NINL: variants seen among roughly 807,000 people sequenced by gnomAD.
NINL encodes ninein-like protein.
NINL carries 153 observed loss-of-function variants against 160.3 expected under a neutral mutation model. The ratio of observed to expected loss-of-function variants is 0.95; its 90% CI spans 0.84 to 1.09. The LOEUF is 1.09. NINL is among the 50% of genes least tolerant of loss of function. The pLI, the probability that NINL is intolerant of heterozygous loss-of-function variation, is 0.00. For synonymous variants in NINL, 800 were observed against 734.8 expected (o/e 1.09, Z -1.43); for missense variants, 1,829 against 1,764.0 (o/e 1.04, Z -0.66).
intron 1 of NINL, among the ~76,000 whole-genome samples, chr20:25,569,033 ACCAG>A (rs988493671): frequency 6.6e-6 from 1 of 151,722 alleles, no homozygotes; most frequent in African/African-American, 2.4e-5. Flanking sequence ...AGTTTCTGAG[ACCAG>A]CCTGGCCAAC....
chr20:25,513,609 CA>C (rs1303436050), intron 3 of NINL, among the ~76,000 whole-genome samples: 1 of 152,234 alleles, frequency 6.6e-6, no homozygotes, highest in Admixed American at 6.5e-5. Context: ...TGTCCCCACC[CA>C]AATCTCATGT....
At chr20:25,519,046 G>A (rs577840226) in intron 2 of NINL, among the ~76,000 whole-genome samples, 25 of 145,044 alleles carry the variant, frequency 1.7e-4, no homozygotes, top group African/African-American at 6.4e-4. Flanking sequence ...GCAGTGAGCC[G>A]AGATAGCGCC....
chr20:25,515,095 T>C (rs1025765145), intron 3 of NINL, among the ~76,000 whole-genome samples: 1 of 152,096 alleles, frequency 6.6e-6, no homozygotes, highest in African/African-American at 2.4e-5. Context: ...GAATGGTAGA[T>C]CCACTGATAG....
intron 5 of NINL, among the ~76,000 whole-genome samples, chr20:25,508,920 C>T (rs1042419888): frequency 6.6e-6 from 1 of 152,226 alleles, no homozygotes; most frequent in Non-Finnish European, 1.5e-5. Flanking sequence ...ATGACACCCC[C>T]CTGTTCTAAC....
intron 1 of NINL, among the ~76,000 whole-genome samples, chr20:25,547,612 T>G (rs1447601825): frequency 6.6e-6 from 1 of 152,206 alleles, no homozygotes; most frequent in Non-Finnish European, 1.5e-5. Context: ...ATTGGAGAAT[T>G]ACGTGGTGTG....
At chr20:25,572,110 A>G (rs2065060893) in intron 1 of NINL, among the ~76,000 whole-genome samples, 1 of 152,164 alleles carries the variant, frequency 6.6e-6, no homozygotes, top group Non-Finnish European at 1.5e-5. Context: ...ACATGAGGAC[A>G]GACCCTGCAG....
chr20:25,509,789 T>C (rs1309963472), intron 5 of NINL: 6 of 440,368 alleles, frequency 1.4e-5, no homozygotes, highest in Non-Finnish European at 2.7e-5. Context: ...TCCAAAATAC[T>C]CTAGGATTCA....
chr20:25,478,319 C>T (rs1289712791), intron 16 of NINL, among the ~76,000 whole-genome samples: 5 of 152,172 alleles, frequency 3.3e-5, no homozygotes, highest in Admixed American at 1.3e-4. Context: ...TCTTCTAAGC[C>T]GGGGCCAATG....
intron 1 of NINL, among the ~76,000 whole-genome samples, chr20:25,565,625 T>C (rs1367546536): frequency 6.6e-6 from 1 of 152,160 alleles, no homozygotes; most frequent in Non-Finnish European, 1.5e-5. Flanking sequence ...TCACTTGTAA[T>C]GGTTAATTTT....
intron 1 of NINL, among the ~76,000 whole-genome samples, chr20:25,550,434 T>C (rs1164469289): frequency 2.0e-5 from 3 of 151,940 alleles, no homozygotes; most frequent in South Asian, 2.1e-4. Context: ...AGACAAAGTA[T>C]AGATGAGGAA....
intron 1 of NINL, among the ~76,000 whole-genome samples, chr20:25,559,920 A>G (rs959410695): frequency 1.3e-5 from 2 of 150,760 alleles, no homozygotes; most frequent in Non-Finnish European, 3.0e-5. Context: ...CATGATGCCT[A>G]CGGTTTACAT....
intron 19 of NINL, among the ~76,000 whole-genome samples, chr20:25,464,802 G>A (rs1312421959): frequency 6.6e-6 from 1 of 152,180 alleles, no homozygotes. Flanking sequence ...TGTCTCCTCA[G>A]CTTCTGTGTC....
chr20:25,499,351 G>T, intron 8 of NINL: 1 of 543,112 alleles, frequency 1.8e-6, no homozygotes, highest in Non-Finnish European at 2.3e-6. Flanking sequence ...AATCTATCAT[G>T]AAGCGAGGGA....
chr20:25,577,055 T>C (rs528308689), intron 1 of NINL, among the ~76,000 whole-genome samples: 26 of 152,284 alleles, frequency 1.7e-4, no homozygotes, highest in African/African-American at 4.8e-4. Flanking sequence ...AGGCCATTAA[T>C]GTAGATTGTG....
chr20:25,482,852 CA>C (rs2063422034), intron 13 of NINL, among the ~76,000 whole-genome samples: 1 of 151,586 alleles, frequency 6.6e-6, no homozygotes, highest in South Asian at 2.1e-4. Context: ...GGTGAAACTC[CA>C]TCTCTACTAA....
intron 18 of NINL, among the ~76,000 whole-genome samples, chr20:25,468,559 G>A (rs188464546): frequency 1.0e-4 from 12 of 115,710 alleles, no homozygotes; most frequent in African/African-American, 2.6e-4. Flanking sequence ...TCACTGGTGC[G>A]CACCCCCCTG....
intron 1 of NINL, among the ~76,000 whole-genome samples, chr20:25,547,719 T>G (rs2064752903): frequency 6.6e-6 from 1 of 152,192 alleles, no homozygotes. Flanking sequence ...AGAACCTGTC[T>G]CCAAATACAA....
chr20:25,560,330 G>T (rs1483458692), intron 1 of NINL, among the ~76,000 whole-genome samples: 1 of 152,194 alleles, frequency 6.6e-6, no homozygotes, highest in Non-Finnish European at 1.5e-5. Flanking sequence ...AGAGAGCAAG[G>T]TTATAATGAG....
chr20:25,555,066 T>A (rs1040699222), intron 1 of NINL, among the ~76,000 whole-genome samples: 3 of 152,184 alleles, frequency 2.0e-5, no homozygotes, highest in African/African-American at 7.2e-5. Context: ...CAGGCTGAGA[T>A]GAATACAAAC....
Sources: allele counts gnomAD v4.1 joint callset (sites outside exome capture counted in the v4.1 genomes callset), GRCh38; gene constraint gnomAD v4.1.1; transcripts MANE v1.5; gene names NCBI Gene and HGNC (gene_info 2026-07-23, HGNC 2026-07-21).